Variants in FAM163B observed in about 807,000 individuals in gnomAD.
FAM163B encodes family with sequence similarity 163 member B.
FAM163B carries 4 observed loss-of-function variants against 7.6 expected under a neutral mutation model. The ratio of observed to expected loss-of-function variants is 0.52; its 90% CI spans 0.26 to 1.20. The LOEUF (loss-of-function observed/expected upper bound fraction) is 1.20. Among genes scored for constraint, FAM163B ranks in the 50% most tolerant of loss-of-function variants. The pLI, the probability that FAM163B is intolerant of heterozygous loss-of-function variation, is 0.14. For synonymous variants in FAM163B, 120 were observed against 111.6 expected, an observed-to-expected ratio of 1.07 and a Z score of -0.47; for missense variants, 250 against 243.0, an observed-to-expected ratio of 1.03 and a Z score of -0.19.
At chr9:133,592,919 C>T (rs1284163210) in intron 1 of FAM163B, among the ~76,000 whole-genome samples, 1 of 152,166 alleles carries the variant, frequency 6.6e-6, no homozygotes, top group Non-Finnish European at 1.5e-5. Flanking sequence ...CTGGCAGCAT[C>T]CCAGGCCACT....
At chr9:133,596,230 TGGCCCGGGC>T (rs1453031913) in intron 1 of FAM163B, among the ~76,000 whole-genome samples, 1 of 93,436 alleles carries the variant, frequency 1.1e-5, no homozygotes, top group Non-Finnish European at 2.1e-5. Flanking sequence ...CAGAGGCTTC[TGGCCCGGGC>T]GGCTGTGCGG....
rs1472075391 is a variant in FAM163B, at chr9:133,577,965, C to T, written c.*1057G>A. ...TCCACCAGGAGCTGGGCCAGGCCTC[C>T]TAGGTCCTGCTGAGAAGCAGGTAGG... On this transcript the variant is annotated 3_prime_UTR_variant, in exon 3 of 3. Coordinates refer to ENST00000673969, the MANE Select transcript of FAM163B (RefSeq NM_001080515.3). Among the ~76,000 whole-genome samples the T allele has an allele frequency of 1.3e-5, 2 of 152,156 alleles. No individual in the cohort carries two copies. Among genetic ancestry groups the T allele is most frequent in the African/African-American group, 4.8e-5 (2 of 41,436 alleles).
intron 1 of FAM163B, among the ~76,000 whole-genome samples, chr9:133,588,746 T>G (rs926858781): frequency 2.7e-4 from 30 of 111,316 alleles, no homozygotes; most frequent in Middle Eastern, 4.8e-3. Flanking sequence ...GTTGGGTGGC[T>G]GTGCTCCCCA....
rs577742301 is a variant in FAM163B at position 133,608,034 on chromosome 9, T to G, written c.-24+1043A>C. 2.0e-5 allele frequency among the ~76,000 whole-genome samples: 3 copies of G among 152,296 alleles called. No individual in the cohort carries two copies. The East Asian group carries it at 5.8e-4, about 29-fold the overall frequency. On this transcript the variant is annotated intron_variant, in intron 1 of 2. Transcript: ENST00000673969. The stretch of plus-strand genomic sequence containing the variant: ...GCTTTCCCAGCAACCCTGAACTTTT[T>G]GGGGGTTGGTAATTACTGCTCTCCC...
At chr9:133,592,547 G>A (rs1185550581) in intron 1 of FAM163B, among the ~76,000 whole-genome samples, 1 of 152,206 alleles carries the variant, frequency 6.6e-6, no homozygotes, top group African/African-American at 2.4e-5. Flanking sequence ...GAAGGGCGAA[G>A]GGGTGGGGAG....
chr9:133,586,033 T>C (rs1281968613), intron 1 of FAM163B: 1 of 152,284 alleles, frequency 6.6e-6, no homozygotes, highest in Non-Finnish European at 1.5e-5. Flanking sequence ...GCAGAGTTCC[T>C]GTCTAGACCT....
intron 1 of FAM163B, among the ~76,000 whole-genome samples, chr9:133,589,286 G>A (rs531926506): frequency 6.6e-6 from 1 of 152,278 alleles, no homozygotes; most frequent in African/African-American, 2.4e-5. Flanking sequence ...TGTGCCAGGA[G>A]GGCATGGCAC....
At chr9:133,584,351 C>T (rs1254252736) in intron 1 of FAM163B, among the ~76,000 whole-genome samples, 2 of 152,108 alleles carry the variant, frequency 1.3e-5, no homozygotes, top group Non-Finnish European at 2.9e-5. Flanking sequence ...GGGTCAGAGG[C>T]CTCTCCCTGG....
At chr9:133,589,965 C>G (rs1831512715) in intron 1 of FAM163B, among the ~76,000 whole-genome samples, 1 of 152,058 alleles carries the variant, frequency 6.6e-6, no homozygotes, top group Non-Finnish European at 1.5e-5. Flanking sequence ...ACGGGGCTGG[C>G]TTTTTGTCTC....
intron 1 of FAM163B, among the ~76,000 whole-genome samples, chr9:133,588,482 C>T (rs1831474686): frequency 3.3e-5 from 1 of 30,516 alleles, no homozygotes; most frequent in Non-Finnish European, 7.0e-5. Flanking sequence ...AGAGGGCACA[C>T]CTGGGCTGCA....
intron 1 of FAM163B, among the ~76,000 whole-genome samples, chr9:133,592,684 C>T (rs1421951731): frequency 6.6e-6 from 1 of 152,186 alleles, no homozygotes; most frequent in African/African-American, 2.4e-5. Flanking sequence ...GTCTGTGTCT[C>T]CCCCAGGCCA....
intron 1 of FAM163B, 139 bp from the exon 2 acceptor site, chr9:133,580,385 C>G (rs959233228): frequency 2.9e-6 from 2 of 683,028 alleles, no homozygotes; most frequent in South Asian, 1.8e-5. Flanking sequence ...GGGGCTCTGC[C>G]GGGGACGGGG....
chr9:133,585,434 C>T (rs1330620450), intron 1 of FAM163B, among the ~76,000 whole-genome samples: 1 of 152,252 alleles, frequency 6.6e-6, no homozygotes, highest in Non-Finnish European at 1.5e-5. Flanking sequence ...CCCACGGGAA[C>T]GGACCCCTCC....
intron 1 of FAM163B, among the ~76,000 whole-genome samples, chr9:133,588,109 C>A (rs1831469227): frequency 6.6e-6 from 1 of 152,170 alleles, no homozygotes; most frequent in African/African-American, 2.4e-5. Context: ...AGCTGTGAGG[C>A]TGGGCAGTGG....
chr9:133,599,919 CAT>C (rs1432330313), intron 1 of FAM163B, among the ~76,000 whole-genome samples: 2 of 144,040 alleles, frequency 1.4e-5, no homozygotes, highest in Non-Finnish European at 3.0e-5. Context: ...GGTCTGTGTG[CAT>C]GTGTGTGAGT....
At chr9:133,582,884 C>A (rs1406739438) in intron 1 of FAM163B, among the ~76,000 whole-genome samples, 1 of 152,208 alleles carries the variant, frequency 6.6e-6, no homozygotes, top group Non-Finnish European at 1.5e-5. Flanking sequence ...GTTGGAGAGT[C>A]AGAAGGCGCT....
chr9:133,591,503 A>G (rs7023289), intron 1 of FAM163B, among the ~76,000 whole-genome samples: 115,590 of 151,846 alleles, frequency 0.76, 44,384 homozygotes, highest in African/African-American at 0.85. Context: ...TCCACAGCCA[A>G]TGTGAGCCCT....
chr9:133,579,248 C>A lies in FAM163B; in HGVS notation c.275G>T (p.Arg92Leu), dbSNP rs759555682. ...QKSPQARALC[R>L]SCSHCEPPTF... ...GGGGGGCTCGCAGTGGGAGCAGCTG[C>A]GGCAGAGGGCGCGGGCCTGCGGGGA... The change falls in exon 3 of 3, where the codon CGC (arginine) becomes CTC (leucine). Residue 92 changes from arginine (R) to leucine (L), a missense_variant. Arg to Leu is a moderately radical substitution (Grantham distance 102). Transcript: ENST00000673969. The A allele has an allele frequency of 6.2e-7, 1 of 1,612,024 alleles. No homozygotes were observed. Among genetic ancestry groups the A allele is most frequent in the South Asian group, 1.1e-5 (1 of 90,970 alleles).
Position 133,596,801 on chromosome 9 carries a change from G to A in FAM163B, c.-24+12276C>T, listed in dbSNP as rs144088700. Among the ~76,000 whole-genome samples the A allele has an allele frequency of 7.9e-5, 12 of 152,332 alleles. No individual in the cohort carries two copies. The East Asian group carries it at 2.3e-3, about 29-fold the overall frequency. On this transcript the variant is annotated intron_variant, in intron 1 of 2. Transcript: ENST00000673969. Reference sequence around the variant, plus strand: ...TAGCTGGCTGAACAGTGACTCAAATGTGAGCAAAACTACCTGAGGCCAGAG... The same window carrying A: ...TAGCTGGCTGAACAGTGACTCAAATATGAGCAAAACTACCTGAGGCCAGAG...
Sources: allele counts gnomAD v4.1 joint callset (sites outside exome capture counted in the v4.1 genomes callset), GRCh38; gene constraint gnomAD v4.1.1; transcripts MANE v1.5; gene names NCBI Gene and HGNC (gene_info 2026-07-23, HGNC 2026-07-21).